SLC4A4: variants seen among roughly 807,000 people sequenced by gnomAD.
The protein encoded by SLC4A4 is electrogenic sodium bicarbonate cotransporter 1.
Under a neutral mutation model 111.5 loss-of-function variants are expected in SLC4A4, and 27 were observed. The ratio of observed to expected loss-of-function variants is 0.24; its 90% CI spans 0.18 to 0.33. The LOEUF is 0.33. SLC4A4 is among the 10% of genes least tolerant of loss of function. The pLI is 1.00. For missense variants in SLC4A4, 909 were observed against 1,315.5 expected (o/e 0.69, Z 4.78); for synonymous variants, 443 against 463.4 (o/e 0.96, Z 0.57).
chr4:71,557,462 T>TC (rs1736574495), intron 21 of SLC4A4, among the ~76,000 whole-genome samples: 1 of 151,888 alleles, frequency 6.6e-6, no homozygotes. Flanking sequence ...TTTTTCTTTG[T>TC]GACCTTATTC....
At chr4:71,393,092 C>G (rs1372551270) in intron 6 of SLC4A4, among the ~76,000 whole-genome samples, 2 of 152,132 alleles carry the variant, frequency 1.3e-5, no homozygotes, top group Admixed American at 6.5e-5. Flanking sequence ...GAAGCATTCC[C>G]TCCAAAACCT....
chr4:71,294,108 T>C (rs944748646), intron 3 of SLC4A4, among the ~76,000 whole-genome samples: 15 of 152,216 alleles, frequency 9.9e-5, no homozygotes, highest in Non-Finnish European at 1.5e-5. Flanking sequence ...AATGGAAGCA[T>C]GTTAGTAACG....
intron 1 of SLC4A4, among the ~76,000 whole-genome samples, chr4:71,090,176 G>A (rs1020210577): frequency 6.6e-6 from 1 of 152,082 alleles, no homozygotes; most frequent in Non-Finnish European, 1.5e-5. Context: ...AGGCTCCGTG[G>A]GTGTAGGACC....
At chr4:71,308,321 T>A (rs1344088920) in intron 3 of SLC4A4, among the ~76,000 whole-genome samples, 1 of 152,204 alleles carries the variant, frequency 6.6e-6, no homozygotes, top group Non-Finnish European at 1.5e-5. Flanking sequence ...ATTACTGTAA[T>A]GATCTCATTA....
chr4:71,085,890 C>T (rs1027092605), intron 1 of SLC4A4, among the ~76,000 whole-genome samples: 1 of 151,936 alleles, frequency 6.6e-6, no homozygotes, highest in African/African-American at 2.4e-5. Flanking sequence ...AATGTGGGCT[C>T]TTTTTTGGTT....
intron 3 of SLC4A4, among the ~76,000 whole-genome samples, chr4:71,321,238 A>G (rs1727096524): frequency 6.6e-6 from 1 of 152,050 alleles, no homozygotes; most frequent in Admixed American, 6.6e-5. Flanking sequence ...ACAAATTATG[A>G]ACCTCTGCGT....
chr4:71,073,435 A>C (rs1741719852), intron 1 of SLC4A4, among the ~76,000 whole-genome samples: 1 of 152,198 alleles, frequency 6.6e-6, no homozygotes, highest in Non-Finnish European at 1.5e-5. Context: ...TAGAAAGGAA[A>C]TGAAGTCAAA....
Position 71,187,324 on chromosome 4 carries a change from G to A in SLC4A4, c.-79G>A. 1 of 155,024 alleles carries A rather than the reference G, an allele frequency of 6.5e-6. No individual in the cohort carries two copies. The highest frequency in any genetic ancestry group is 1.4e-5 in the Non-Finnish European group (1 of 70,594). 9.6% of individuals were successfully genotyped at this position (155,024 alleles called of 1,614,324 possible). A position where few individuals can be genotyped will look rare whatever the true frequency, so the allele number is the denominator to read the frequency against. The stretch of plus-strand genomic sequence containing the variant: ...CGGTGGCAGCGAAGGCGGCGGCGGC[G>A]GCGGCAGTGGCAGTGGCCGCTGCAG... On this transcript the variant is annotated 5_prime_UTR_variant, in exon 1 of 26. Coordinates refer to ENST00000264485, the MANE Select transcript of SLC4A4 (RefSeq NM_001098484.3).
intron 6 of SLC4A4, among the ~76,000 whole-genome samples, chr4:71,368,772 G>C (rs1560447003): frequency 6.6e-6 from 1 of 152,142 alleles, no homozygotes; most frequent in South Asian, 2.1e-4. Flanking sequence ...TAGAACTGCA[G>C]GGTGGATCAT....
chr4:71,275,424 TC>T (rs1421498262), intron 3 of SLC4A4, among the ~76,000 whole-genome samples: 5 of 152,238 alleles, frequency 3.3e-5, no homozygotes, highest in Admixed American at 6.5e-5. Context: ...AGTTTTCCTT[TC>T]ATTTGAGACT....
chr4:71,297,023 A>G (rs1182901473), intron 3 of SLC4A4, among the ~76,000 whole-genome samples: 1 of 152,244 alleles, frequency 6.6e-6, no homozygotes, highest in Non-Finnish European at 1.5e-5. Context: ...TATTGGAAAT[A>G]TGTCTTGGCT....
intron 1 of SLC4A4, among the ~76,000 whole-genome samples, chr4:71,074,922 C>G (rs1158767547): frequency 2.0e-5 from 3 of 152,188 alleles, no homozygotes; most frequent in African/African-American, 7.2e-5. Flanking sequence ...GTTCTGACTT[C>G]TACTTCTGGT....
At chr4:71,491,961 AT>A in intron 15 of SLC4A4, among the ~76,000 whole-genome samples, 1 of 151,552 alleles carries the variant, frequency 6.6e-6, no homozygotes, top group East Asian at 2.0e-4. Flanking sequence ...TTTTATTATT[AT>A]TATTACTTAT....
At chr4:71,121,147 C>T (rs1284648072) in intron 2 of SLC4A4, among the ~76,000 whole-genome samples, 1 of 152,168 alleles carries the variant, frequency 6.6e-6, no homozygotes, top group African/African-American at 2.4e-5. Flanking sequence ...CTTGCAGGGC[C>T]TCAGCTGCCT....
rs147149314 is a variant in SLC4A4 at position 71,347,593 on chromosome 4, T to C, written c.390-2319T>C. On this transcript the variant is annotated intron_variant, in intron 4 of 25. Coordinates refer to ENST00000264485, the MANE Select transcript of SLC4A4 (RefSeq NM_001098484.3). ...GGGCCCATCTCCTTATACCATTCCCTTGGGGGATAGGATTTCAATATATGA... is the reference window on the plus strand; with the variant it reads ...GGGCCCATCTCCTTATACCATTCCCCTGGGGGATAGGATTTCAATATATGA... Among the ~76,000 whole-genome samples, 719 of 152,268 alleles carry C rather than the reference T, an allele frequency of 4.7e-3. 3 individuals are homozygous for C. The highest frequency in any genetic ancestry group is 0.03 in the South Asian group (144 of 4,826).
At position 71,078,733 on chromosome 4, in the gene SLC4A4, A is replaced by G. The variant is rs72858432; in HGVS notation, c.-64-13997A>G. On this transcript the variant is annotated intron_variant, in intron 1 of 26. Transcript: ENST00000649996. ...GGAAGGGCTCGGTCGTAAAACGATA[A>G]GGAGATATTTTCATGAAAATCTCTG... Among the ~76,000 whole-genome samples the G allele has an allele frequency of 7.8e-3, 1,181 of 152,310 alleles. 19 individuals are homozygous for G. Among genetic ancestry groups the G allele is most frequent in the African/African-American group, 0.028 (1,144 of 41,572 alleles).
chr4:71,068,888 C>T (rs1741599999), intron 1 of SLC4A4, among the ~76,000 whole-genome samples: 1 of 152,092 alleles, frequency 6.6e-6, no homozygotes, highest in Admixed American at 6.6e-5. Context: ...TTTAGCAGTG[C>T]TTTTTACATA....
chr4:71,211,084 T>C lies in SLC4A4; in HGVS notation c.-2+23683T>C, dbSNP rs542819122. ...ACATTTATTCCTTTGCACAGATCCA[T>C]GTGGTTGTTAGATTGCTTTCAAATA... On this transcript the variant is annotated intron_variant, in intron 1 of 25. Coordinates refer to ENST00000264485, the MANE Select transcript of SLC4A4 (RefSeq NM_001098484.3). Among the ~76,000 whole-genome samples, 3 of 152,382 alleles carry C rather than the reference T, an allele frequency of 2.0e-5. No homozygotes were observed. In the East Asian group the frequency reaches 5.8e-4, roughly 29 times the overall value.
chr4:71,070,101 G>C (rs1021718227), intron 1 of SLC4A4, among the ~76,000 whole-genome samples: 5 of 152,102 alleles, frequency 3.3e-5, no homozygotes, highest in Non-Finnish European at 5.9e-5. Context: ...TTGTTTCTTA[G>C]AGTCTAGCAA....
Sources: allele counts gnomAD v4.1 joint callset (sites outside exome capture counted in the v4.1 genomes callset), GRCh38; gene constraint gnomAD v4.1.1; transcripts MANE v1.5; gene names NCBI Gene and HGNC (gene_info 2026-07-23, HGNC 2026-07-21).